The following TRAPPC8 variants were observed in gnomAD, a reference collection of about 807,000 sequenced individuals.
TRAPPC8 encodes general sporulation gene 1 homolog.
Under a neutral mutation model 174.3 loss-of-function variants are expected in TRAPPC8, and 54 were observed. The ratio of observed to expected loss-of-function variants is 0.31; its 90% CI spans 0.25 to 0.39. The LOEUF (loss-of-function observed/expected upper bound fraction) is 0.39, where lower values mean the gene tolerates loss of function less well. Ranked by LOEUF, TRAPPC8 falls within the 10% of genes least tolerant of loss-of-function variation. The pLI is 1.00. For missense variants in TRAPPC8, 1,531 were observed against 1,699.1 expected (o/e 0.90, Z 1.74); for synonymous variants, 630 against 579.9 (o/e 1.09, Z -1.24).
chr18:31,843,401 A>G (rs570886718), intron 26 of TRAPPC8, among the ~76,000 whole-genome samples: 34 of 152,344 alleles, frequency 2.2e-4, no homozygotes, highest in African/African-American at 7.9e-4. Context: ...TATTTGCTAA[A>G]GGAAATAGAT....
intron 13 of TRAPPC8, chr18:31,874,274 G>T: frequency 7.5e-6 from 4 of 529,966 alleles, no homozygotes; most frequent in Non-Finnish European, 3.3e-6. Flanking sequence ...AGTGTTCATT[G>T]TAATATTAAA....
intron 12 of TRAPPC8, among the ~76,000 whole-genome samples, chr18:31,885,910 G>A (rs76543208): frequency 0.089 from 13,408 of 151,400 alleles, 837 homozygotes; most frequent in East Asian, 0.33. Flanking sequence ...AGGATAATAC[G>A]GCAAGAGATA....
intron 5 of TRAPPC8, 69 bp from the exon 6 acceptor site, chr18:31,909,829 T>C (rs2036832695): frequency 9.5e-7 from 1 of 1,056,356 alleles, no homozygotes; most frequent in Non-Finnish European, 1.3e-6. Flanking sequence ...ATCAAATCCA[T>C]CAACAACTAT....
chr18:31,868,089 C>T (rs2034674211), intron 16 of TRAPPC8, among the ~76,000 whole-genome samples: 1 of 152,054 alleles, frequency 6.6e-6, no homozygotes, highest in Admixed American at 6.6e-5. Context: ...TAAAGAAAGA[C>T]AGGTAGACAA....
At chr18:31,924,738 CAAAAAA>C (rs398032376) in intron 2 of TRAPPC8, among the ~76,000 whole-genome samples, 27,600 of 91,460 alleles carry the variant, frequency 0.3, 3,139 homozygotes, top group East Asian at 0.56. Flanking sequence ...AACTCCGTCT[CAAAAAA>C]AAAAAAAAAA....
chr18:31,922,874 G>A (rs531273118), intron 2 of TRAPPC8, among the ~76,000 whole-genome samples: 11 of 151,952 alleles, frequency 7.2e-5, no homozygotes, highest in South Asian at 2.1e-4. Flanking sequence ...AAAATTAACC[G>A]GGCATGGTAG....
At chr18:31,907,644 T>C (rs1304076069) in intron 8 of TRAPPC8, 34 bp from the exon 9 acceptor site, 1 of 1,530,408 alleles carries the variant, frequency 6.5e-7, no homozygotes, top group Non-Finnish European at 8.8e-7. Context: ...TTATAATTTA[T>C]TACCCCCCAA....
intron 15 of TRAPPC8, 129 bp from the exon 16 acceptor site, chr18:31,870,631 A>T: frequency 9.7e-7 from 1 of 1,032,668 alleles, no homozygotes; most frequent in Non-Finnish European, 1.4e-6. Context: ...ATTACCTTAT[A>T]AATGTCCACG....
At chr18:31,912,293 C>T (rs1393006253) in intron 5 of TRAPPC8, among the ~76,000 whole-genome samples, 1 of 152,128 alleles carries the variant, frequency 6.6e-6, no homozygotes, top group African/African-American at 2.4e-5. Context: ...GAGTTCGAGA[C>T]CAGCCTGACC....
chr18:31,911,399 C>T (rs1728753147), intron 5 of TRAPPC8, among the ~76,000 whole-genome samples: 1 of 150,726 alleles, frequency 6.6e-6, no homozygotes, highest in African/African-American at 2.4e-5. Flanking sequence ...TGCAGTGAGC[C>T]GAGATCTCGC....
chr18:31,889,335 C>G (rs1000082757), intron 12 of TRAPPC8, among the ~76,000 whole-genome samples: 2 of 152,228 alleles, frequency 1.3e-5, no homozygotes, highest in African/African-American at 4.8e-5. Context: ...AAGGCAGATA[C>G]AAGCAGCTGT....
chr18:31,904,946 C>G (rs2145456225), intron 9 of TRAPPC8, among the ~76,000 whole-genome samples: 1 of 151,604 alleles, frequency 6.6e-6, no homozygotes, highest in South Asian at 2.1e-4. Context: ...AGGAGGATCA[C>G]TTGAACCCAG....
chr18:31,869,859 C>T (rs528537801), intron 16 of TRAPPC8, among the ~76,000 whole-genome samples: 6 of 152,140 alleles, frequency 3.9e-5, no homozygotes, highest in East Asian at 3.9e-4. Flanking sequence ...GAGGCTGAGG[C>T]GGGAGGATCA....
intron 4 of TRAPPC8, among the ~76,000 whole-genome samples, chr18:31,914,140 A>T (rs2037034880): frequency 6.6e-6 from 1 of 151,502 alleles, no homozygotes; most frequent in Non-Finnish European, 1.5e-5. Context: ...CTCAAAAAAA[A>T]AAAAAAAAAG....
intron 2 of TRAPPC8, among the ~76,000 whole-genome samples, chr18:31,920,581 G>A (rs971873512): frequency 1.3e-5 from 2 of 150,158 alleles, no homozygotes; most frequent in Non-Finnish European, 3.0e-5. Flanking sequence ...CAGGCAGATC[G>A]ATTGAGCTCA....
chr18:31,857,549 G>A lies in TRAPPC8; in HGVS notation c.3179C>T (p.Pro1060Leu). Residue 1060 changes from proline (P) to leucine (L), a missense_variant, in exon 20 of 29, where the codon CCA (proline) becomes CTA (leucine). Coordinates refer to ENST00000283351, the MANE Select transcript of TRAPPC8 (RefSeq NM_014939.5). Reference protein sequence around the residue: ...LFYYESVKKQPKIRHRILRHT... With the variant: ...LFYYESVKKQLKIRHRILRHT... ...GTTTTATAATACTAACCGTATTTTT[G>A]GCTGCTTTTTGACACTTTCATAGTA... 1 of 1,586,620 alleles carries A rather than the reference G, an allele frequency of 6.3e-7. No individual in the cohort carries two copies.
At chr18:31,839,168 G>A (rs747824805) in intron 27 of TRAPPC8, 144 bp downstream of exon 27, 5 of 653,846 alleles carry the variant, frequency 7.6e-6, no homozygotes, top group Non-Finnish European at 1.2e-5. Context: ...AACTTGAACT[G>A]TTTAGTTCAA....
intron 14 of TRAPPC8, among the ~76,000 whole-genome samples, chr18:31,871,555 C>T (rs1054104881): frequency 6.6e-6 from 1 of 151,564 alleles, no homozygotes; most frequent in African/African-American, 2.4e-5. Context: ...TTCGCCCCCA[C>T]TGGCATCACT....
intron 26 of TRAPPC8, among the ~76,000 whole-genome samples, chr18:31,843,499 T>G (rs1240852319): frequency 6.6e-6 from 1 of 152,230 alleles, no homozygotes; most frequent in African/African-American, 2.4e-5. Context: ...AAAGACATGC[T>G]GATTATAGAA....
Sources: gnomAD v4.1 joint callset for allele counts (sites outside exome capture counted in the v4.1 genomes callset) on GRCh38, gnomAD v4.1.1 for gene constraint, MANE v1.5 for transcripts, NCBI Gene and HGNC (gene_info 2026-07-23, HGNC 2026-07-21) for gene names.